Variants in IL20RB observed in about 807,000 individuals in gnomAD.
The protein encoded by IL20RB is interleukin-20 receptor subunit beta.
Under a neutral mutation model 33.3 loss-of-function variants are expected in IL20RB, and 21 were observed. The observed-to-expected ratio is 0.63, with a 90% CI of 0.45 to 0.91. The LOEUF is 0.91. IL20RB is among the 40% of genes least tolerant of loss of function. IL20RB has a pLI of 0.00. For missense variants in IL20RB, 345 were observed against 384.8 expected, an observed-to-expected ratio of 0.90 and a Z score of 0.86; for synonymous variants, 147 against 146.8, an observed-to-expected ratio of 1.00 and a Z score of -0.01.
At chr3:136,984,279 A>C (rs747842) in intron 3 of IL20RB, among the ~76,000 whole-genome samples, 70,592 of 151,376 alleles carry the variant, frequency 0.47, 16,923 homozygotes, top group East Asian at 0.69. Context: ...GGTAGAGGAT[A>C]ATGGAAAGGA....
chr3:136,972,656 T>C (rs1381859231), intron 1 of IL20RB, among the ~76,000 whole-genome samples: 1 of 152,142 alleles, frequency 6.6e-6, no homozygotes, highest in Non-Finnish European at 1.5e-5. Flanking sequence ...TTTTAATTTC[T>C]GATATTCTTT....
At chr3:136,997,992 A>T (rs1471711224) in intron 6 of IL20RB, among the ~76,000 whole-genome samples, 4 of 152,008 alleles carry the variant, frequency 2.6e-5, no homozygotes, top group African/African-American at 9.7e-5. Context: ...CTGGTCTTGA[A>T]TTCCTGACCT....
At chr3:136,987,829 G>C (rs1273779985) in intron 3 of IL20RB, among the ~76,000 whole-genome samples, 1 of 152,194 alleles carries the variant, frequency 6.6e-6, no homozygotes, top group African/African-American at 2.4e-5. Flanking sequence ...CCGCTGGCCC[G>C]GGTGCTAAGC....
At chr3:136,983,828 T>TTTTG (rs756119929) in intron 3 of IL20RB, among the ~76,000 whole-genome samples, 1 of 151,860 alleles carries the variant, frequency 6.6e-6, no homozygotes, top group Admixed American at 6.6e-5. Flanking sequence ...CACAAAGTGG[T>TTTTG]TTTGTTTGTT....
intron 3 of IL20RB, among the ~76,000 whole-genome samples, chr3:136,983,466 G>C (rs987325442): frequency 1.3e-5 from 2 of 152,198 alleles, no homozygotes; most frequent in Non-Finnish European, 2.9e-5. Context: ...TGCAGGACAG[G>C]GGAAGAGTGA....
At chr3:137,006,070 T>C (rs2107724610) in intron 6 of IL20RB, among the ~76,000 whole-genome samples, 1 of 152,350 alleles carries the variant, frequency 6.6e-6, no homozygotes, top group South Asian at 2.1e-4. Context: ...AATTCTTTTC[T>C]TTAAGAATGT....
intron 6 of IL20RB, among the ~76,000 whole-genome samples, chr3:137,002,243 A>G (rs1942260035): frequency 6.6e-6 from 1 of 152,204 alleles, no homozygotes; most frequent in Non-Finnish European, 1.5e-5. Flanking sequence ...CTATGTGTGC[A>G]TGTGTCTTTA....
At chr3:137,003,698 C>A (rs547364994) in intron 6 of IL20RB, among the ~76,000 whole-genome samples, 1 of 152,174 alleles carries the variant, frequency 6.6e-6, no homozygotes, top group African/African-American at 2.4e-5. Context: ...AATATACAAT[C>A]ATGTCATCTG....
At chr3:136,961,761 C>T (rs1415572913) in intron 1 of IL20RB, among the ~76,000 whole-genome samples, 2 of 152,110 alleles carry the variant, frequency 1.3e-5, no homozygotes, top group Non-Finnish European at 2.9e-5. Flanking sequence ...ATTATGGTTA[C>T]ATAAGATGTT....
chr3:136,996,934 A>G (rs1007189064), intron 6 of IL20RB, among the ~76,000 whole-genome samples: 3 of 152,138 alleles, frequency 2.0e-5, no homozygotes, highest in African/African-American at 7.2e-5. Context: ...AAGGATATGT[A>G]TTCTGCAGTT....
chr3:136,987,651 G>A (rs1054254431), intron 3 of IL20RB, among the ~76,000 whole-genome samples: 6 of 152,140 alleles, frequency 3.9e-5, no homozygotes, highest in Admixed American at 6.5e-5. Flanking sequence ...GGCGCTCATC[G>A]GGGAGGCTCG....
intron 1 of IL20RB, among the ~76,000 whole-genome samples, chr3:136,971,427 G>A (rs558954998): frequency 1.5e-4 from 23 of 152,260 alleles, no homozygotes; most frequent in Non-Finnish European, 2.4e-4. Context: ...CACCGCGCCC[G>A]GCCACTTCTA....
intron 1 of IL20RB, among the ~76,000 whole-genome samples, chr3:136,978,803 G>T (rs542713158): frequency 6.6e-6 from 1 of 152,096 alleles, no homozygotes; most frequent in Non-Finnish European, 1.5e-5. Flanking sequence ...GCTGGAAACT[G>T]TTCTTTCCTA....
At chr3:136,969,866 C>G (rs1941426544) in intron 1 of IL20RB, among the ~76,000 whole-genome samples, 2 of 151,878 alleles carry the variant, frequency 1.3e-5, no homozygotes, top group South Asian at 2.1e-4. Flanking sequence ...AAATTAAAAT[C>G]ATGGTTTTTC....
Position 136,982,337 on chromosome 3 carries a change from T to G in IL20RB, c.393T>G (p.Phe131Leu). The change falls in exon 3 of 7, where the codon TTT becomes TTG. Residue 131 changes from phenylalanine to leucine, a missense_variant. By Grantham distance (22) the Phe-to-Leu change is conservative (BLOSUM62 0). Transcript: ENST00000329582. ...CCTGGAGCATCCTGAAGCATCCCTT[T>G]AATAGAAACTCAAGTAAGGCACTTC... ...TSAWSILKHP[F>L]NRNSTILTRP... 3 of 1,586,396 alleles carry G rather than the reference T, an allele frequency of 1.9e-6. No homozygotes were observed. Among genetic ancestry groups the G allele is most frequent in the Non-Finnish European group, 2.6e-6 (3 of 1,159,704 alleles).
chr3:136,960,967 G>A (rs1161549105), intron 1 of IL20RB, among the ~76,000 whole-genome samples: 4 of 152,234 alleles, frequency 2.6e-5, no homozygotes, highest in African/African-American at 9.6e-5. Context: ...TCAGAGAAGA[G>A]ATGCAAAGAT....
chr3:136,992,888 G>C (rs1942059291), intron 5 of IL20RB, among the ~76,000 whole-genome samples: 1 of 152,156 alleles, frequency 6.6e-6, no homozygotes, highest in Non-Finnish European at 1.5e-5. Context: ...TCATCCTTCA[G>C]TCATTGCCAT....
At chr3:136,995,799 G>A (rs1032387246) in intron 6 of IL20RB, among the ~76,000 whole-genome samples, 1 of 152,118 alleles carries the variant, frequency 6.6e-6, no homozygotes, top group Non-Finnish European at 1.5e-5. Flanking sequence ...CCAGGACCTG[G>A]GATGGCAAAG....
At chr3:136,978,165 T>C (rs963679250) in intron 1 of IL20RB, among the ~76,000 whole-genome samples, 5 of 150,458 alleles carry the variant, frequency 3.3e-5, no homozygotes, top group African/African-American at 7.3e-5. Flanking sequence ...GGTTCTGTCT[T>C]GTTTTTTTTT....
Sources: gnomAD v4.1 joint callset for allele counts (sites outside exome capture counted in the v4.1 genomes callset) on GRCh38, gnomAD v4.1.1 for gene constraint, MANE v1.5 for transcripts, NCBI Gene and HGNC (gene_info 2026-07-23, HGNC 2026-07-21) for gene names.